TAF15: variants seen among roughly 807,000 people sequenced by gnomAD.
The protein encoded by TAF15 is TATA-binding protein-associated factor 2N.
In TAF15, 37 loss-of-function variants were observed where a neutral mutation model predicts 102.5. The observed-to-expected ratio is 0.36, with a 90% CI of 0.28 to 0.47. The LOEUF is 0.47. Ranked by LOEUF, TAF15 falls within the 20% of genes least tolerant of loss-of-function variation. The pLI is 0.99. For synonymous variants in TAF15, 273 were observed against 259.2 expected, an observed-to-expected ratio of 1.05 and a Z score of -0.51; for missense variants, 652 against 760.7, an observed-to-expected ratio of 0.86 and a Z score of 1.68.
intron 10 of TAF15, among the ~76,000 whole-genome samples, chr17:35,837,057 A>G (rs1342495337): frequency 6.6e-6 from 1 of 151,962 alleles, no homozygotes; most frequent in Non-Finnish European, 1.5e-5. Context: ...TACAGTAGGA[A>G]TGAGCCACCG....
At chr17:35,831,598 C>T (rs749896330) in intron 7 of TAF15, among the ~76,000 whole-genome samples, 14 of 152,076 alleles carry the variant, frequency 9.2e-5, no homozygotes, top group Non-Finnish European at 1.8e-4. Flanking sequence ...TGCATGTTTT[C>T]CATCCATTGT....
At chr17:35,824,012 A>G in intron 6 of TAF15, 66 bp from the exon 7 acceptor site, 1 of 1,608,258 alleles carries the variant, frequency 6.2e-7, no homozygotes, top group Admixed American at 1.7e-5. Context: ...AGAGCCATTT[A>G]ACATTGTTAT....
chr17:35,836,071 A>G, intron 9 of TAF15, 61 bp from the exon 10 acceptor site: 5 of 1,143,334 alleles, frequency 4.4e-6, no homozygotes, highest in African/African-American at 1.5e-5. Flanking sequence ...GTCTTTGATT[A>G]CTGAACAGAA....
intron 10 of TAF15, among the ~76,000 whole-genome samples, chr17:35,837,967 C>T (rs1424552431): frequency 6.6e-6 from 1 of 151,580 alleles, no homozygotes; most frequent in East Asian, 2.0e-4. Flanking sequence ...GCAGGAGGAT[C>T]GCTTGAGGCC....
intron 15 of TAF15, 47 bp downstream of exon 15, chr17:35,845,085 A>G (rs1209511067): frequency 6.2e-7 from 1 of 1,609,846 alleles, no homozygotes; most frequent in Non-Finnish European, 8.5e-7. Flanking sequence ...CACTGCACCT[A>G]GATTGGGGGA....
intron 7 of TAF15, among the ~76,000 whole-genome samples, chr17:35,831,939 G>A (rs1299329307): frequency 6.6e-6 from 1 of 152,144 alleles, no homozygotes; most frequent in Admixed American, 6.5e-5. Flanking sequence ...AAAATTAGCC[G>A]GGCGTGGTGG....
Position 35,822,709 on chromosome 17 carries a change from A to C in TAF15, c.360A>C (p.Ser120=). Residue 120 remains serine, a synonymous_variant, in exon 6 of 16, where the codon TCA becomes TCC. Coordinates refer to ENST00000605844, the MANE Select transcript of TAF15 (RefSeq NM_139215.3). Reference sequence around the variant, plus strand: ...AACAAGATTCATATGACCAGCAGTCAGGCTATGATCAACATCAAGGCTCAT... The same window carrying C: ...AACAAGATTCATATGACCAGCAGTCCGGCTATGATCAACATCAAGGCTCAT... The part of the protein sequence containing the change: ...YGQQDSYDQQ[S]GYDQHQGSYD... 1.2e-6 allele frequency: 2 copies of C among 1,614,242 alleles called. No individual in the cohort carries two copies. The highest frequency in any genetic ancestry group is 1.7e-6 in the Non-Finnish European group (2 of 1,180,044).
At chr17:35,815,445 T>C (rs576043450) in intron 1 of TAF15, among the ~76,000 whole-genome samples, 6 of 151,990 alleles carry the variant, frequency 3.9e-5, no homozygotes, top group Non-Finnish European at 7.4e-5. Context: ...CATCTGGGAG[T>C]TTTTAAGCTA....
chr17:35,833,834 T>C lies in TAF15; in HGVS notation c.606-73T>C. ...AAGCACTCTACTTGTGACAGTTAAG[T>C]GTAGATTGAGCCCAGGGCTCAGCAC... On this transcript the variant is annotated intron_variant, in intron 7 of 15. Transcript: ENST00000605844. The C allele has an allele frequency of 2.0e-6, 3 of 1,496,840 alleles. No homozygotes were observed. The South Asian group carries it at 3.4e-5, about 17-fold the overall frequency. The allele number at this position is 1,496,840 out of a possible 1,614,324, so 92.7% of individuals were successfully genotyped here. A position where few individuals can be genotyped will look rare whatever the true frequency, so the allele number is the denominator to read the frequency against.
chr17:35,823,948 G>A, intron 6 of TAF15, 130 bp from the exon 7 acceptor site: 2 of 1,103,544 alleles, frequency 1.8e-6, no homozygotes, highest in South Asian at 2.6e-5. Flanking sequence ...ATGATGACTT[G>A]CATTTGAGTT....
intron 7 of TAF15, among the ~76,000 whole-genome samples, chr17:35,832,468 T>C (rs1017289201): frequency 7.9e-6 from 1 of 126,322 alleles, no homozygotes; most frequent in South Asian, 2.6e-4. Context: ...GAAGGGAGAA[T>C]TTTTTTTCAG....
At chr17:35,838,794 G>A (rs914942274) in intron 11 of TAF15, among the ~76,000 whole-genome samples, 5 of 152,060 alleles carry the variant, frequency 3.3e-5, no homozygotes, top group African/African-American at 1.2e-4. Context: ...GTAGAGAGTT[G>A]GCCTGGTTGA....
Position 35,809,511 on chromosome 17 carries a change from G to T in TAF15, c.-59G>T. On this transcript the variant is annotated 5_prime_UTR_variant, in exon 1 of 16. Transcript: ENST00000605844. ...TACAGCTCCGGCCGCCGCGCCGCCTGGCTTTCGTATTCGTTGTTCTCGGCG... is the reference window on the plus strand; with the variant it reads ...TACAGCTCCGGCCGCCGCGCCGCCTTGCTTTCGTATTCGTTGTTCTCGGCG... 1 of 1,610,966 alleles carries T rather than the reference G, an allele frequency of 6.2e-7. No homozygotes were observed. The highest frequency in any genetic ancestry group is 8.5e-7 in the Non-Finnish European group (1 of 1,179,214).
intron 10 of TAF15, among the ~76,000 whole-genome samples, chr17:35,837,806 A>G (rs1186399832): frequency 6.6e-6 from 1 of 152,056 alleles, no homozygotes; most frequent in Non-Finnish European, 1.5e-5. Context: ...CAGCCTGGGC[A>G]ACAGAGCGAG....
chr17:35,814,205 G>A (rs888187160), intron 1 of TAF15, among the ~76,000 whole-genome samples: 2 of 150,966 alleles, frequency 1.3e-5, no homozygotes, highest in African/African-American at 2.4e-5. Context: ...TCGCTCTGTC[G>A]CCCAGGCTGG....
rs569473616 is a variant in TAF15, at chr17:35,844,718, A to G, written c.1419A>G (p.Gly473=). 43 of 1,598,554 alleles carry G rather than the reference A, an allele frequency of 2.7e-5. No homozygotes were observed. Among genetic ancestry groups the G allele is most frequent in the East Asian group, 4.5e-5 (2 of 44,506 alleles). Residue 473 remains glycine (G), a synonymous_variant, in exon 15 of 16, where the codon GGA becomes GGG. Coordinates refer to ENST00000605844, the MANE Select transcript of TAF15 (RefSeq NM_139215.3). ...GGGACAGAGGAGGCGGCTATGGAGG[A>G]GACCGAGGAGGTGGCTATGGAGGAG... is the stretch of plus-strand genomic sequence containing the variant. ...YGGDRGGGYG[G]DRGGGYGGDR...
chr17:35,846,320 T>G (rs2087622677), intron 15 of TAF15, among the ~76,000 whole-genome samples: 1 of 152,254 alleles, frequency 6.6e-6, no homozygotes, highest in East Asian at 1.9e-4. Flanking sequence ...TGTATTAGAT[T>G]ACGTTGTACT....
In TAF15 at chr17:35,844,682, C is replaced by T. The variant is rs369399880; in HGVS notation, c.1383C>T (p.Gly461=). Residue 461 remains glycine (G), a synonymous_variant, in exon 15 of 16, where the codon GGC becomes GGT. Transcript: ENST00000605844. ...GTGGCTATGGTGGGGACAGAGGCGG[C>T]GGCTATGGTGGGGACAGAGGAGGCG... The part of the protein sequence containing the change: ...SGGGYGGDRG[G]GYGGDRGGGY... The T allele has an allele frequency of 6.5e-5, 104 of 1,594,610 alleles. No individual in the cohort carries two copies. The East Asian group carries it at 1.1e-3, about 17-fold the overall frequency.
chr17:35,841,599 T>TC (rs2087546363), intron 11 of TAF15, among the ~76,000 whole-genome samples: 1 of 152,022 alleles, frequency 6.6e-6, no homozygotes. Flanking sequence ...AGACAGGGTT[T>TC]CCCCATGTTG....
Sources: allele counts gnomAD v4.1 joint callset (sites outside exome capture counted in the v4.1 genomes callset), GRCh38; gene constraint gnomAD v4.1.1; transcripts MANE v1.5; gene names NCBI Gene and HGNC (gene_info 2026-07-23, HGNC 2026-07-21).